Variants in ABCG2 observed in about 807,000 individuals in gnomAD.
ABCG2 encodes broad substrate specificity ATP-binding cassette transporter ABCG2.
In ABCG2, 80 loss-of-function variants were observed where a neutral mutation model predicts 73.5. The observed-to-expected ratio is 1.09, with a 90% CI of 0.91 to 1.31. The LOEUF (loss-of-function observed/expected upper bound fraction) is 1.31. ABCG2 is among the 50% of genes most tolerant of loss of function. The probability of loss-of-function intolerance (pLI) is 0.00; values close to 1 mark genes in which losing one functional copy is unlikely to be tolerated. For missense variants in ABCG2, 796 were observed against 786.2 expected (o/e 1.01, Z -0.15); for synonymous variants, 269 against 282.4 (o/e 0.95, Z 0.48).
At position 88,158,593 on chromosome 4, in the gene ABCG2, C is replaced by G. The variant is rs896279945; in HGVS notation, c.-227G>C. On this transcript the variant is annotated 5_prime_UTR_variant, in exon 1 of 16. Coordinates refer to ENST00000237612, the MANE Select transcript of ABCG2 (RefSeq NM_004827.3). ...AAATCCTACCCAGTTCCTCCACAGG[C>G]TGCCTCCTTGCCGCGTCTCTCAATC... 1.8e-5 allele frequency: 8 copies of G among 456,428 alleles called. No homozygotes were observed. Among genetic ancestry groups the G allele is most frequent in the African/African-American group, 1.4e-4 (7 of 50,206 alleles). 28.3% of individuals were successfully genotyped at this position (456,428 alleles called of 1,614,324 possible).
intron 9 of ABCG2, among the ~76,000 whole-genome samples, 183 bp downstream of exon 9, chr4:88,113,120 G>T (rs1281844304): frequency 5.9e-5 from 9 of 152,108 alleles, no homozygotes. Context: ...CAAAAAAAGG[G>T]AAGCTTTCCA....
intron 1 of ABCG2, among the ~76,000 whole-genome samples, chr4:88,216,833 C>T (rs1056723171): frequency 3.9e-5 from 6 of 152,030 alleles, no homozygotes; most frequent in African/African-American, 1.4e-4. Context: ...AGTTCAAGAC[C>T]AGCCTGACCA....
rs943591227 is a variant in ABCG2 at position 88,194,505 on chromosome 4, T to C, written c.-20+36489A>G. Among the ~76,000 whole-genome samples, 15 of 120,466 alleles carry C rather than the reference T, an allele frequency of 1.2e-4. No individual in the cohort carries two copies. The South Asian group carries it at 1.9e-3, about 16-fold the overall frequency. The allele number at this position is 120,466 out of a possible 152,430, so 79.0% of individuals were successfully genotyped here. ...GCGGAGCTTGCAGTGAGCCGAGATC[T>C]GGCCACTGCACTCCAGCCTGGGCGA... On this transcript the variant is annotated intron_variant, in intron 1 of 15. Coordinates refer to the ABCG2 transcript ENST00000515655.
intron 1 of ABCG2, chr4:88,223,548 A>G (rs1730086979): frequency 6.6e-6 from 1 of 152,186 alleles, no homozygotes. Flanking sequence ...CCATGATTGT[A>G]AGTTTACTGA....
At chr4:88,151,283 C>A (rs1343214052) in intron 1 of ABCG2, among the ~76,000 whole-genome samples, 3 of 152,130 alleles carry the variant, frequency 2.0e-5, no homozygotes, top group Admixed American at 1.3e-4. Context: ...CAGGGGGAAA[C>A]AAAATCAAGT....
intron 12 of ABCG2, 49 bp downstream of exon 12, chr4:88,099,275 C>A (rs2231156): frequency 0.094 from 139,916 of 1,483,572 alleles, 7,921 homozygotes; most frequent in East Asian, 0.25. Context: ...TGACTTCACC[C>A]ATAGGCAAGA....
chr4:88,158,324 C>T (rs1253917116), intron 1 of ABCG2, 62 bp downstream of exon 1: 1 of 345,730 alleles, frequency 2.9e-6, no homozygotes, highest in African/African-American at 2.2e-5. Context: ...AATATATACA[C>T]AACGCCCACC....
chr4:88,183,016 T>C (rs1303740592), intron 1 of ABCG2, among the ~76,000 whole-genome samples: 1 of 128,010 alleles, frequency 7.8e-6, no homozygotes, highest in Non-Finnish European at 1.6e-5. Flanking sequence ...ACCCAGGAGG[T>C]GGAGGTTGCA....
At chr4:88,228,751 G>A (rs1295520208) in intron 1 of ABCG2, among the ~76,000 whole-genome samples, 1 of 152,034 alleles carries the variant, frequency 6.6e-6, no homozygotes, top group Non-Finnish European at 1.5e-5. Flanking sequence ...CTAGCTAAAG[G>A]ATTGTAAATG....
At chr4:88,105,515 A>G (rs1328908035) in intron 10 of ABCG2, among the ~76,000 whole-genome samples, 1 of 152,204 alleles carries the variant, frequency 6.6e-6, no homozygotes, top group Non-Finnish European at 1.5e-5. Context: ...TCATAAAATG[A>G]GGTTTTTAAG....
At chr4:88,200,562 A>G (rs1211838227) in intron 1 of ABCG2, among the ~76,000 whole-genome samples, 1 of 152,064 alleles carries the variant, frequency 6.6e-6, no homozygotes, top group East Asian at 1.9e-4. Flanking sequence ...GAGAACATTA[A>G]TGTGCAGTGG....
chr4:88,165,794 A>T (rs991171716), intron 1 of ABCG2, among the ~76,000 whole-genome samples: 2 of 152,062 alleles, frequency 1.3e-5, no homozygotes, highest in Non-Finnish European at 2.9e-5. Context: ...GAATCGCTTG[A>T]ACCCGGGAGG....
At chr4:88,135,688 T>C (rs1333994441) in intron 2 of ABCG2, among the ~76,000 whole-genome samples, 1 of 152,210 alleles carries the variant, frequency 6.6e-6, no homozygotes, top group Admixed American at 6.5e-5. Flanking sequence ...TTTACCTGTG[T>C]CACTAGCATC....
rs1359126126 is a variant in ABCG2 at position 88,111,488 on chromosome 4, ATGGCTATACATACATATATG to A, written c.1194+1795_1194+1814del. On this transcript the variant is annotated intron_variant, in intron 9 of 15. Coordinates refer to ENST00000237612, the MANE Select transcript of ABCG2 (RefSeq NM_004827.3). ...TTTATATATATACTTAACTAGCAGTATGGCTATACATACATATATGTGGCTATACATATATACATATATAT... is the reference window on the plus strand; with the variant it reads ...TTTATATATATACTTAACTAGCAGTATGGCTATACATATATACATATATAT... Among the ~76,000 whole-genome samples the A allele has an allele frequency of 3.3e-5, 5 of 152,196 alleles. No homozygotes were observed. In the South Asian group the frequency reaches 6.2e-4, roughly 19 times the overall value.
chr4:88,158,859 C>G (rs1202973267), upstream of ABCG2: 2 of 334,552 alleles, frequency 6.0e-6, no homozygotes, highest in African/African-American at 4.7e-5. Context: ...GCAGCGCTGA[C>G]ACGAACTTCC....
chr4:88,209,989 A>C (rs183366672), intron 1 of ABCG2, among the ~76,000 whole-genome samples: 1,623 of 152,196 alleles, frequency 0.011, 16 homozygotes, highest in Admixed American at 0.017. Flanking sequence ...GTGGTAGATC[A>C]CTCTTTGAAT....
intron 1 of ABCG2, among the ~76,000 whole-genome samples, chr4:88,196,626 A>G (rs1359783860): frequency 1.3e-5 from 2 of 152,086 alleles, no homozygotes; most frequent in African/African-American, 4.8e-5. Context: ...AAGAAAACCA[A>G]TTAATTACCA....
chr4:88,135,622 C>T (rs1050361519), intron 2 of ABCG2, among the ~76,000 whole-genome samples: 12 of 151,342 alleles, frequency 7.9e-5, no homozygotes, highest in African/African-American at 7.3e-5. Context: ...CTTTTATCAG[C>T]GTGAAAGTGT....
At chr4:88,158,663 G>C (rs1413491432), upstream of ABCG2, 1 of 456,116 alleles carries the variant, frequency 2.2e-6, no homozygotes, top group African/African-American at 2.0e-5. Flanking sequence ...TGCGCGCCCG[G>C]AACCTTTTGA....
Sources: allele counts gnomAD v4.1 joint callset (sites outside exome capture counted in the v4.1 genomes callset), GRCh38; gene constraint gnomAD v4.1.1; transcripts MANE v1.5; gene names NCBI Gene and HGNC (gene_info 2026-07-23, HGNC 2026-07-21).